Variants in PIEZO2 observed in about 807,000 individuals in gnomAD.
PIEZO2 encodes the protein piezo type mechanosensitive ion channel component 2.
PIEZO2 carries 172 observed loss-of-function variants against 337.3 expected under a neutral mutation model. The ratio of observed to expected loss-of-function variants is 0.51; its 90% confidence interval spans 0.45 to 0.58. The LOEUF (loss-of-function observed/expected upper bound fraction) is 0.58, where lower values mean the gene tolerates loss of function less well. Ranked by LOEUF, PIEZO2 falls within the 20% of genes least tolerant of loss-of-function variation. The pLI, the probability that PIEZO2 is intolerant of heterozygous loss-of-function variation, is 0.00. For missense variants in PIEZO2, 3,028 were observed against 3,391.3 expected (o/e 0.89, Z 2.66); for synonymous variants, 1,251 against 1,228.5 (o/e 1.02, Z -0.38).
At chr18:10,832,875 G>T (rs1264667632) in intron 7 of PIEZO2, among the ~76,000 whole-genome samples, 2 of 152,176 alleles carry the variant, frequency 1.3e-5, no homozygotes, top group African/African-American at 4.8e-5. Context: ...AGCACCTCAG[G>T]TAACTCCTGT....
rs938828522 is a variant in PIEZO2, at chr18:11,062,892, C to T, written c.160+3235G>A. 3.3e-5 allele frequency among the ~76,000 whole-genome samples: 5 copies of T among 152,276 alleles called. 1 individual carries two copies. The highest frequency in any genetic ancestry group is 7.2e-5 in the African/African-American group (3 of 41,544). On this transcript the variant is annotated intron_variant, in intron 2 of 55. Transcript: ENST00000674853. ...CTAGAACTAGAAATACCATTTGACA[C>T]AGCAATCGCATTACTGGGTATATAC...
rs1254875088 is a variant in PIEZO2 at position 10,970,660 on chromosome 18, T to TCTCACACACA, written c.286+8874_286+8875insTGTGTGTGAG. Among the ~76,000 whole-genome samples, 18 of 137,530 alleles carry TCTCACACACA rather than the reference T, an allele frequency of 1.3e-4. No homozygotes were observed. In the East Asian group the frequency reaches 1.5e-3, roughly 12 times the overall value. 90.2% of individuals were successfully genotyped at this position (137,530 alleles called of 152,430 possible). ...CAAAACTTAGAACAAAAAAGATGTT[T>TCTCACACACA]CACACACACACACACACACACACAC... is the stretch of plus-strand genomic sequence containing the variant. On this transcript the variant is annotated intron_variant, in intron 3 of 55. Coordinates refer to ENST00000674853, the MANE Select transcript of PIEZO2 (RefSeq NM_001378183.1).
intron 2 of PIEZO2, among the ~76,000 whole-genome samples, chr18:11,051,990 C>T (rs945519745): frequency 2.0e-5 from 3 of 152,210 alleles, no homozygotes; most frequent in Admixed American, 2.0e-4. Context: ...GAGGCAGTTT[C>T]AATTTTTCAA....
In PIEZO2 at chr18:11,121,206, C is replaced by T. The variant is rs549510084; in HGVS notation, c.64+27319G>A. ...GGTGGAGGTTGCAGTGAGCCAAGAT[C>T]GGGCCACTGCGTTCCATCCTGGGCA... On this transcript the variant is annotated intron_variant, in intron 1 of 55. Coordinates refer to ENST00000674853, the MANE Select transcript of PIEZO2 (RefSeq NM_001378183.1). 3.0e-4 allele frequency among the ~76,000 whole-genome samples: 46 copies of T among 151,868 alleles called. 2 individuals are homozygous for T. The South Asian group carries it at 7.2e-3, about 24-fold the overall frequency.
intron 3 of PIEZO2, among the ~76,000 whole-genome samples, chr18:10,975,455 A>G (rs1216603956): frequency 6.6e-6 from 1 of 152,156 alleles, no homozygotes; most frequent in Non-Finnish European, 1.5e-5. Flanking sequence ...CTTACCTATA[A>G]GAACACTGTT....
chr18:11,115,776 A>C (rs2039872499), intron 1 of PIEZO2, among the ~76,000 whole-genome samples: 1 of 152,186 alleles, frequency 6.6e-6, no homozygotes, highest in African/African-American at 2.4e-5. Flanking sequence ...TACTAGACAA[A>C]ATTATTTTAC....
intron 2 of PIEZO2, among the ~76,000 whole-genome samples, chr18:11,058,326 A>G (rs1185897541): frequency 1.3e-5 from 2 of 152,142 alleles, no homozygotes; most frequent in African/African-American, 2.4e-5. Context: ...AAAGTTGGGG[A>G]AAAAACAGCT....
Position 11,035,494 on chromosome 18 carries a change from A to G in PIEZO2, c.160+30633T>C, listed in dbSNP as rs971587596. ...AGTTAAATAAACCTGTTTCCTTTAC[A>G]TATCTCCCAGCCTCAGATATTCCTT... On this transcript the variant is annotated intron_variant, in intron 2 of 55. Coordinates refer to ENST00000674853, the MANE Select transcript of PIEZO2 (RefSeq NM_001378183.1). This position sits in a 1 kb window ranked among gnomAD's most constrained non-coding sequence, Gnocchi z 4.3. Among the ~76,000 whole-genome samples the G allele has an allele frequency of 1.7e-4, 26 of 152,144 alleles. No individual in the cohort carries two copies. The highest frequency in any genetic ancestry group is 1.6e-3 in the Admixed American group (24 of 15,272).
intron 30 of PIEZO2, among the ~76,000 whole-genome samples, chr18:10,747,493 CTGAAAATAA>C (rs2037470386): frequency 6.6e-6 from 1 of 152,288 alleles, no homozygotes; most frequent in Admixed American, 6.5e-5. Context: ...GTATTCTGCT[CTGAAAATAA>C]TGTCCTGGGT....
rs746316422 is a variant in PIEZO2 at position 11,126,524 on chromosome 18, G to A, written c.64+22001C>T. On this transcript the variant is annotated intron_variant, in intron 1 of 55. Transcript: ENST00000674853. This position sits in a 1 kb window ranked among gnomAD's most constrained non-coding sequence, Gnocchi z 4.6. ...TCATTCAAAATACTCCAAGGCCCACGTGATCTGATGAATACCATCAGCAAT... is the reference window on the plus strand; with the variant it reads ...TCATTCAAAATACTCCAAGGCCCACATGATCTGATGAATACCATCAGCAAT... 5.9e-5 allele frequency among the ~76,000 whole-genome samples: 9 copies of A among 151,998 alleles called. No individual in the cohort carries two copies. The highest frequency in any genetic ancestry group is 1.2e-4 in the Non-Finnish European group (8 of 67,992).
At position 10,828,148 on chromosome 18, in the gene PIEZO2, T is replaced by G. The variant is rs2040736658; in HGVS notation, c.918-20874A>C. 6.8e-6 allele frequency among the ~76,000 whole-genome samples: 1 copy of G among 148,028 alleles called. No homozygotes were observed. Among genetic ancestry groups the G allele is most frequent in the South Asian group, 2.1e-4 (1 of 4,688 alleles). On this transcript the variant is annotated intron_variant, in intron 7 of 55. Coordinates refer to ENST00000674853, the MANE Select transcript of PIEZO2 (RefSeq NM_001378183.1). The surrounding 1 kb of genome is among the most constrained non-coding windows in gnomAD (Gnocchi z 4.1). ...TTTGTTTGTTTGTTTTTGTTTTTTT[T>G]TTTTTTTACAGTAAAACCAATCCTG... is the stretch of plus-strand genomic sequence containing the variant.
chr18:10,720,433 A>G (rs1167089482), intron 36 of PIEZO2, among the ~76,000 whole-genome samples: 42 of 5,826 alleles, frequency 7.2e-3, no homozygotes, highest in Non-Finnish European at 0.01. Flanking sequence ...ATATATATAT[A>G]TATATATATA....
chr18:11,097,095 TC>T lies in PIEZO2; in HGVS notation c.65-30874del, dbSNP rs1477171737. ...TTTTGTATACAAGGCAATTTCATCCTCTCCTTGGAAATTGTCCCTGCTCCAT... is the reference window on the plus strand; with the variant it reads ...TTTTGTATACAAGGCAATTTCATCCTTCCTTGGAAATTGTCCCTGCTCCAT... On this transcript the variant is annotated intron_variant, in intron 1 of 55. Coordinates refer to ENST00000674853, the MANE Select transcript of PIEZO2 (RefSeq NM_001378183.1). The surrounding 1 kb of genome is among the most constrained non-coding windows in gnomAD (Gnocchi z 5.0). 6.6e-6 allele frequency among the ~76,000 whole-genome samples: 1 copy of T among 152,120 alleles called. No individual in the cohort carries two copies. Among genetic ancestry groups the T allele is most frequent in the Non-Finnish European group, 1.5e-5 (1 of 68,022 alleles).
intron 44 of PIEZO2, among the ~76,000 whole-genome samples, 187 bp downstream of exon 44, chr18:10,698,738 G>A (rs2035207115): frequency 6.6e-6 from 1 of 152,160 alleles, no homozygotes; most frequent in Admixed American, 6.5e-5. Context: ...TTTGGGTAAT[G>A]GGGTCACACA....
chr18:10,821,652 A>G lies in PIEZO2; in HGVS notation c.918-14378T>C, dbSNP rs2040523725. ...TTTTCCAGGTTGCTGGAACCAGGAA[A>G]TATGAGTCAAGTATCACCCCCACCC... On this transcript the variant is annotated intron_variant, in intron 7 of 55. Coordinates refer to ENST00000674853, the MANE Select transcript of PIEZO2 (RefSeq NM_001378183.1). This position sits in a 1 kb window ranked among gnomAD's most constrained non-coding sequence, Gnocchi z 4.2. 6.6e-6 allele frequency among the ~76,000 whole-genome samples: 1 copy of G among 152,196 alleles called. No individual in the cohort carries two copies. The highest frequency in any genetic ancestry group is 2.4e-5 in the African/African-American group (1 of 41,462).
intron 7 of PIEZO2, among the ~76,000 whole-genome samples, chr18:10,841,538 T>TTTA (rs1349833778): frequency 1.3e-5 from 2 of 152,164 alleles, no homozygotes; most frequent in Non-Finnish European, 2.9e-5. Context: ...AGTGAGTTGA[T>TTTA]TTATTCAATG....
intron 27 of PIEZO2, among the ~76,000 whole-genome samples, chr18:10,756,037 G>C (rs575801081): frequency 6.8e-6 from 1 of 146,558 alleles, no homozygotes; most frequent in East Asian, 2.1e-4. Flanking sequence ...GGATAAGGAG[G>C]AGGGATGCAG....
At chr18:10,772,017 G>A (rs1438567384) in intron 20 of PIEZO2, among the ~76,000 whole-genome samples, 18 of 152,184 alleles carry the variant, frequency 1.2e-4, no homozygotes, top group Admixed American at 1.2e-3. Context: ...GCCATAAAAT[G>A]CTTCCTTTAA....
intron 3 of PIEZO2, among the ~76,000 whole-genome samples, chr18:10,939,539 T>C (rs1650732892): frequency 1.3e-5 from 2 of 152,090 alleles, no homozygotes; most frequent in South Asian, 4.1e-4. Context: ...AATGATAGAC[T>C]GGATAAAGAA....
Sources: allele counts gnomAD v4.1 joint callset (sites outside exome capture counted in the v4.1 genomes callset), GRCh38; gene constraint gnomAD v4.1.1; non-coding constraint Gnocchi (gnomAD v3.1); transcripts MANE v1.5; gene names NCBI Gene and HGNC (gene_info 2026-07-23, HGNC 2026-07-21).